RAPGEF4: variants seen among roughly 807,000 people sequenced by gnomAD.
RAPGEF4 encodes Rap guanine nucleotide exchange factor 4, also known as RAP guanine-nucleotide-exchange factor (GEF) 4.
Under a neutral mutation model 147.9 loss-of-function variants are expected in RAPGEF4, and 66 were observed. The ratio of observed to expected loss-of-function variants is 0.45; its 90% CI spans 0.37 to 0.55. RAPGEF4 has a LOEUF of 0.55. RAPGEF4 is among the 20% of genes least tolerant of loss of function. RAPGEF4 has a pLI of 0.00. For synonymous variants in RAPGEF4, 419 were observed against 442.7 expected (o/e 0.95, Z 0.67); for missense variants, 1,071 against 1,257.3 (o/e 0.85, Z 2.24).
chr2:172,769,391 G>A (rs1215745445), intron 1 of RAPGEF4, among the ~76,000 whole-genome samples: 1 of 152,132 alleles, frequency 6.6e-6, no homozygotes, highest in Non-Finnish European at 1.5e-5. Context: ...AAAGGAATGG[G>A]CCTGAAGAAC....
chr2:172,797,647 A>AT (rs772111096), intron 3 of RAPGEF4, 34 bp downstream of exon 3: 37 of 1,509,768 alleles, frequency 2.5e-5, no homozygotes, highest in Admixed American at 5.4e-5. Context: ...AGTAGGATTT[A>AT]TTTTTTTTAA....
intron 4 of RAPGEF4, among the ~76,000 whole-genome samples, chr2:172,891,180 C>T (rs542381862): frequency 4.3e-4 from 66 of 152,186 alleles, no homozygotes; most frequent in Non-Finnish European, 8.2e-4. Flanking sequence ...AGTATTAAAC[C>T]AAGCGCTGAC....
intron 4 of RAPGEF4, among the ~76,000 whole-genome samples, chr2:172,820,626 A>C (rs540322629): frequency 1.3e-5 from 2 of 152,352 alleles, no homozygotes; most frequent in African/African-American, 4.8e-5. Context: ...GGCCTCAGTA[A>C]ACATTGTTAA....
chr2:172,955,503 C>A (rs939496495), intron 6 of RAPGEF4, among the ~76,000 whole-genome samples: 3 of 152,180 alleles, frequency 2.0e-5, no homozygotes, highest in African/African-American at 7.2e-5. Flanking sequence ...CTTTATCTGT[C>A]CCCCCTGCCT....
At chr2:172,772,726 T>C (rs1456508850) in intron 1 of RAPGEF4, among the ~76,000 whole-genome samples, 1 of 152,242 alleles carries the variant, frequency 6.6e-6, no homozygotes, top group Non-Finnish European at 1.5e-5. Context: ...AACGAGTATG[T>C]GAATAACCAA....
At chr2:172,967,759 T>C (rs1690006499) in intron 10 of RAPGEF4, among the ~76,000 whole-genome samples, 1 of 152,218 alleles carries the variant, frequency 6.6e-6, no homozygotes, top group Non-Finnish European at 1.5e-5. Flanking sequence ...TCTGTTTCTA[T>C]GCCAGCCTGT....
In RAPGEF4 at chr2:172,895,864, G is replaced by A. The variant is rs571180037; in HGVS notation, c.445-21938G>A. ...GGTTTACCTAGATTATGAATTGATA[G>A]GATGAGCTATATTATTACAACAATT... On this transcript the variant is annotated intron_variant, in intron 4 of 30. Transcript: ENST00000397081. 2.0e-3 allele frequency among the ~76,000 whole-genome samples: 304 copies of A among 152,252 alleles called. 3 individuals are homozygous for A. Among genetic ancestry groups the A allele is most frequent in the Non-Finnish European group, 3.2e-3 (220 of 68,016 alleles).
At position 172,901,016 on chromosome 2, in the gene RAPGEF4, T is replaced by C. The variant is rs540041296; in HGVS notation, c.445-16786T>C. On this transcript the variant is annotated intron_variant, in intron 4 of 30. Transcript: ENST00000397081. ...TTTTGCCAAGTTTACAGAAATACAA[T>C]TGAAAGTGGAGTTACAACATAATGA... Among the ~76,000 whole-genome samples, 3 of 152,208 alleles carry C rather than the reference T, an allele frequency of 2.0e-5. No individual in the cohort carries two copies. The South Asian group carries it at 6.2e-4, about 32-fold the overall frequency.
At chr2:172,856,003 C>A (rs886401070) in intron 4 of RAPGEF4, among the ~76,000 whole-genome samples, 1 of 151,814 alleles carries the variant, frequency 6.6e-6, no homozygotes, top group Non-Finnish European at 1.5e-5. Flanking sequence ...AAGTTTATAT[C>A]GTTTTTTAAC....
At chr2:172,821,192 T>G (rs1689025490) in intron 4 of RAPGEF4, among the ~76,000 whole-genome samples, 1 of 152,184 alleles carries the variant, frequency 6.6e-6, no homozygotes, top group Non-Finnish European at 1.5e-5. Context: ...ATACTAACAA[T>G]TTCAGGTTGT....
chr2:172,769,263 C>T (rs1219494548), intron 1 of RAPGEF4, among the ~76,000 whole-genome samples: 5 of 152,034 alleles, frequency 3.3e-5, no homozygotes, highest in Admixed American at 6.6e-5. Flanking sequence ...ATGGGAGTCA[C>T]GAAAAGTATG....
At chr2:172,782,477 C>G (rs1319483502) in intron 1 of RAPGEF4, among the ~76,000 whole-genome samples, 1 of 152,206 alleles carries the variant, frequency 6.6e-6, no homozygotes, top group Non-Finnish European at 1.5e-5. Flanking sequence ...AAGGACCTGA[C>G]TCAAGAGAGT....
At position 172,890,867 on chromosome 2, in the gene RAPGEF4, C is replaced by T. The variant is rs539089171; in HGVS notation, c.445-26935C>T. Among the ~76,000 whole-genome samples, 3 of 152,342 alleles carry T rather than the reference C, an allele frequency of 2.0e-5. No homozygotes were observed. In the South Asian group the frequency reaches 6.2e-4, roughly 32 times the overall value. ...TTAACAGATCAGGTGTGGTGGCTCA[C>T]GCCTGTAATCCTAGCACTTTGGGAG... is the stretch of plus-strand genomic sequence containing the variant. On this transcript the variant is annotated intron_variant, in intron 4 of 30. Transcript: ENST00000397081.
intron 18 of RAPGEF4, 57 bp downstream of exon 18, chr2:173,014,671 AC>A: frequency 6.5e-7 from 1 of 1,536,536 alleles, no homozygotes; most frequent in Non-Finnish European, 8.8e-7. Context: ...ACAGGGACCT[AC>A]TTATAGGCTC....
chr2:172,817,874 TG>T, intron 4 of RAPGEF4, among the ~76,000 whole-genome samples: 1 of 10,248 alleles, frequency 9.8e-5, no homozygotes, highest in Non-Finnish European at 3.5e-4. Context: ...AAAGAAATTG[TG>T]ATATATATAT....
chr2:172,785,847 G>T (rs1039686839), intron 1 of RAPGEF4, among the ~76,000 whole-genome samples: 1 of 152,016 alleles, frequency 6.6e-6, no homozygotes, highest in African/African-American at 2.4e-5. Context: ...TGTGTGTTGG[G>T]TGTTGGAATC....
intron 4 of RAPGEF4, among the ~76,000 whole-genome samples, chr2:172,817,104 CATAAT>C (rs1688586393): frequency 6.6e-6 from 1 of 152,096 alleles, no homozygotes; most frequent in African/African-American, 2.4e-5. Context: ...TTCATTTATT[CATAAT>C]ATACAGAGTA....
At chr2:172,754,727 A>C (rs1208072750) in intron 1 of RAPGEF4, among the ~76,000 whole-genome samples, 1 of 152,070 alleles carries the variant, frequency 6.6e-6, no homozygotes, top group Non-Finnish European at 1.5e-5. Flanking sequence ...AAAATTTGGA[A>C]ATGTCAAGTT....
chr2:172,789,416 A>C (rs922859349), intron 1 of RAPGEF4, among the ~76,000 whole-genome samples: 3 of 152,138 alleles, frequency 2.0e-5, no homozygotes, highest in Non-Finnish European at 2.9e-5. Context: ...TGCGTTCTAC[A>C]GTGTCTTTGT....
Sources: allele counts gnomAD v4.1 joint callset (sites outside exome capture counted in the v4.1 genomes callset), GRCh38; gene constraint gnomAD v4.1.1; transcripts MANE v1.5; gene names NCBI Gene and HGNC (gene_info 2026-07-23, HGNC 2026-07-21).